The following ZDHHC15 variants were observed in gnomAD, a reference collection of about 807,000 sequenced individuals.
ZDHHC15 encodes the protein zDHHC palmitoyltransferase 15.
In ZDHHC15, 19 loss-of-function variants were observed where a neutral mutation model predicts 31.7. That is an observed-to-expected ratio of 0.60 (90% CI 0.42 to 0.88). ZDHHC15 has a LOEUF of 0.88. Ranked by LOEUF, ZDHHC15 falls within the 40% of genes least tolerant of loss-of-function variation. The pLI is 0.00. For synonymous variants in ZDHHC15, 103 were observed against 90.0 expected (o/e 1.14, Z -0.82); for missense variants, 209 against 251.2 (o/e 0.83, Z 1.14).
At chrX:75,484,070 C>T (rs942925689) in intron 2 of ZDHHC15, among the ~76,000 whole-genome samples, 7 of 111,954 alleles carry the variant, frequency 6.3e-5, no homozygotes, top group African/African-American at 2.3e-4. Flanking sequence ...AACTTAGATA[C>T]CATTTGATCT....
At chrX:75,382,666 A>G (rs2083127306) in intron 10 of ZDHHC15, among the ~76,000 whole-genome samples, 1 of 112,287 alleles carries the variant, frequency 8.9e-6, no homozygotes, top group Non-Finnish European at 1.9e-5. Flanking sequence ...AATGTGGAAG[A>G]TGAATCAATT....
At chrX:75,462,627 C>T (rs1197180266) in intron 3 of ZDHHC15, among the ~76,000 whole-genome samples, 2 of 111,950 alleles carry the variant, frequency 1.8e-5, no homozygotes, top group African/African-American at 6.5e-5. Flanking sequence ...AACTCAAAAC[C>T]ACACCACTAC....
At chrX:75,439,290 T>G (rs2083905814) in intron 4 of ZDHHC15, among the ~76,000 whole-genome samples, 1 of 111,999 alleles carries the variant, frequency 8.9e-6, no homozygotes, top group Non-Finnish European at 1.9e-5. Flanking sequence ...GAACACCAAT[T>G]ACTCTTAGGT....
At chrX:75,495,129 T>C (rs2084970670) in intron 2 of ZDHHC15, among the ~76,000 whole-genome samples, 1 of 111,779 alleles carries the variant, frequency 8.9e-6, no homozygotes, top group Admixed American at 9.5e-5. Flanking sequence ...AGGATTTGAA[T>C]AGCCACTTCT....
intron 8 of ZDHHC15, among the ~76,000 whole-genome samples, chrX:75,422,228 T>C (rs967488957): frequency 1.8e-5 from 2 of 111,829 alleles, no homozygotes; most frequent in Admixed American, 1.9e-4. Context: ...ACTCTCTTTT[T>C]AAAAGACAGG....
intron 2 of ZDHHC15, among the ~76,000 whole-genome samples, chrX:75,480,539 C>G (rs1410430664): frequency 9.0e-6 from 1 of 110,830 alleles, no homozygotes; most frequent in Non-Finnish European, 1.9e-5. Flanking sequence ...ATACCTGTCC[C>G]CCAGCCACCC....
intron 7 of ZDHHC15, among the ~76,000 whole-genome samples, chrX:75,427,542 T>C (rs1359753086): frequency 9.0e-6 from 1 of 111,550 alleles, no homozygotes; most frequent in East Asian, 2.8e-4. Flanking sequence ...AACAGTAGCC[T>C]ACTGTGTTAA....
chrX:75,442,221 C>T (rs1469248451), intron 4 of ZDHHC15, among the ~76,000 whole-genome samples: 1 of 112,094 alleles, frequency 8.9e-6, no homozygotes, highest in African/African-American at 3.2e-5. Flanking sequence ...TCAACCAAGC[C>T]TTTGAGGACC....
chrX:75,456,295 T>C (rs976194106), intron 3 of ZDHHC15, among the ~76,000 whole-genome samples: 1 of 106,161 alleles, frequency 9.4e-6, no homozygotes, highest in Non-Finnish European at 1.9e-5. Flanking sequence ...CAGGTGAGAA[T>C]TGAACAATGA....
chrX:75,431,373 G>A, intron 5 of ZDHHC15, 78 bp downstream of exon 5: 1 of 968,007 alleles, frequency 1.0e-6, no homozygotes. Flanking sequence ...ATGATTACAT[G>A]TTAGGATCAG....
At chrX:75,463,607 A>AACAACAACAAC (rs58345977) in intron 3 of ZDHHC15, among the ~76,000 whole-genome samples, 15 of 56,161 alleles carry the variant, frequency 2.7e-4, no homozygotes, top group East Asian at 2.9e-3. Flanking sequence ...ACAACAACAA[A>AACAACAACAAC]AAACCCATCA....
At chrX:75,411,862 GCAAA>G (rs2083489084) in intron 10 of ZDHHC15, among the ~76,000 whole-genome samples, 2 of 111,899 alleles carry the variant, frequency 1.8e-5, no homozygotes, top group African/African-American at 6.5e-5. Flanking sequence ...CAAAATATTT[GCAAA>G]CTGTATACCT....
chrX:75,401,829 A>T (rs1424073793), intron 10 of ZDHHC15, among the ~76,000 whole-genome samples: 1 of 112,066 alleles, frequency 8.9e-6, no homozygotes, highest in Non-Finnish European at 1.9e-5. Flanking sequence ...TAGACAGATA[A>T]ATGAGACAGA....
Position 75,421,884 on chromosome X carries a change from C to T in ZDHHC15, c.843G>A (p.Trp281Ter). 8.3e-7 allele frequency: 1 copy of T among 1,209,918 alleles called. No individual in the cohort carries two copies. The highest frequency in any genetic ancestry group is 1.1e-6 in the Non-Finnish European group (1 of 894,602). Residue 281 changes from tryptophan to a stop codon, truncating the protein, a stop_gained, in exon 9 of 12, where the codon TGG becomes TGA. Coordinates refer to ENST00000373367, the MANE Select transcript of ZDHHC15 (RefSeq NM_144969.3). LOFTEE classifies it high-confidence loss of function. ...QQVFGDKKKF[W>*]LIPIGSSPGD... ...CTCACCTGGAACCAATAGGTATTAA[C>T]CAGAACTTCTTCTTATCTCCAAACA...
chrX:75,507,650 G>C (rs891633222), intron 1 of ZDHHC15, among the ~76,000 whole-genome samples: 9 of 111,604 alleles, frequency 8.1e-5, no homozygotes, highest in Non-Finnish European at 1.5e-4. Flanking sequence ...ATTTTAGAGT[G>C]ATGTGGTGAT....
intron 4 of ZDHHC15, among the ~76,000 whole-genome samples, chrX:75,444,169 G>T (rs940138701): frequency 9.0e-6 from 1 of 110,998 alleles, no homozygotes; most frequent in East Asian, 2.8e-4. Context: ...ACATGCACAC[G>T]TATGTTTATT....
intron 10 of ZDHHC15, among the ~76,000 whole-genome samples, chrX:75,397,570 G>C (rs913895645): frequency 1.8e-5 from 2 of 110,627 alleles, no homozygotes; most frequent in Non-Finnish European, 3.8e-5. Context: ...AAAAGGCATA[G>C]AGTGGCTGAA....
intron 10 of ZDHHC15, among the ~76,000 whole-genome samples, chrX:75,394,620 C>A (rs1365944404): frequency 5.4e-5 from 6 of 111,704 alleles, no homozygotes; most frequent in Non-Finnish European, 1.1e-4. Flanking sequence ...TATAAGAAGA[C>A]ACAAGGAAGG....
chrX:75,457,121 T>A (rs1026616353), intron 3 of ZDHHC15, among the ~76,000 whole-genome samples: 5 of 111,972 alleles, frequency 4.5e-5, no homozygotes, highest in African/African-American at 1.6e-4. Context: ...TATTTGATAT[T>A]GCCAATGTTT....
Sources: gnomAD v4.1 joint callset for allele counts (sites outside exome capture counted in the v4.1 genomes callset) on GRCh38, gnomAD v4.1.1 for gene constraint, MANE v1.5 for transcripts, NCBI Gene and HGNC (gene_info 2026-07-23, HGNC 2026-07-21) for gene names.